The following ATXN7 variants were observed in gnomAD, a reference collection of about 807,000 sequenced individuals.
ATXN7 encodes ataxin-7.
Under a neutral mutation model 70.5 loss-of-function variants are expected in ATXN7, and 12 were observed. The observed-to-expected ratio is 0.17, with a 90% CI of 0.11 to 0.28. ATXN7 has a LOEUF of 0.28. ATXN7 is among the 10% of genes least tolerant of loss of function. The pLI is 1.00. For missense variants in ATXN7, 1,256 were observed against 1,131.7 expected (o/e 1.11, Z -1.58); for synonymous variants, 498 against 448.7 (o/e 1.11, Z -1.39).
At chr3:63,977,010 G>A (rs1225007313) in intron 5 of ATXN7, among the ~76,000 whole-genome samples, 1 of 152,208 alleles carries the variant, frequency 6.6e-6, no homozygotes, top group Non-Finnish European at 1.5e-5. Flanking sequence ...GTCATGGAAG[G>A]AGGTTATCTG....
rs1054531088 is a variant in ATXN7, at chr3:64,002,845, T to C, written c.*3378T>C. On this transcript the variant is annotated 3_prime_UTR_variant, in exon 13 of 13. Coordinates refer to ENST00000674280, the MANE Select transcript of ATXN7 (RefSeq NM_001377405.1). ...TTTTGTCAGCCAGCAACTTACACGATGTGTCCGTTTTGTTATTCACTCATG... is the reference window on the plus strand; with the variant it reads ...TTTTGTCAGCCAGCAACTTACACGACGTGTCCGTTTTGTTATTCACTCATG... 6.6e-6 allele frequency: 1 copy of C among 152,230 alleles called. No individual in the cohort carries two copies. The highest frequency in any genetic ancestry group is 1.5e-5 in the Non-Finnish European group (1 of 68,038). 9.4% of individuals were successfully genotyped at this position (152,230 alleles called of 1,614,324 possible).
intron 1 of ATXN7, among the ~76,000 whole-genome samples, chr3:63,878,265 A>G (rs974039440): frequency 6.6e-6 from 1 of 152,198 alleles, no homozygotes; most frequent in Non-Finnish European, 1.5e-5. Context: ...ATTCCTTGCC[A>G]TCAGCCAGAG....
chr3:63,887,145 G>T (rs370236942), intron 1 of ATXN7, among the ~76,000 whole-genome samples: 2 of 152,172 alleles, frequency 1.3e-5, no homozygotes, highest in Non-Finnish European at 2.9e-5. Flanking sequence ...GAGTCATGAC[G>T]AACTGGTATT....
Position 63,932,387 on chromosome 3 carries a change from T to C in ATXN7, c.394+19162T>C, listed in dbSNP as rs545790413. Among the ~76,000 whole-genome samples, 5 of 152,246 alleles carry C rather than the reference T, an allele frequency of 3.3e-5. No individual in the cohort carries two copies. The South Asian group carries it at 1.0e-3, about 32-fold the overall frequency. On this transcript the variant is annotated intron_variant, in intron 4 of 12. Transcript: ENST00000674280. ...CCACATAGGCATGCATCATTTCAGA[T>C]AGACAAAAAAATTTCAGTCCTACCT...
intron 4 of ATXN7, among the ~76,000 whole-genome samples, chr3:63,929,136 G>A (rs973671683): frequency 6.6e-6 from 1 of 152,016 alleles, no homozygotes; most frequent in African/African-American, 2.4e-5. Flanking sequence ...AAAGGGAAAT[G>A]GCGTATTTAT....
At chr3:63,897,328 C>T (rs886518269) in intron 1 of ATXN7, among the ~76,000 whole-genome samples, 4 of 152,094 alleles carry the variant, frequency 2.6e-5, no homozygotes, top group Non-Finnish European at 5.9e-5. Flanking sequence ...TTAAGCATTA[C>T]TGAATAGCAT....
Position 63,988,329 on chromosome 3 carries a change from G to A in ATXN7, c.1361+5G>A. On this transcript the variant is annotated splice_donor_5th_base_variant and intron_variant, in intron 9 of 12. Coordinates refer to ENST00000674280, the MANE Select transcript of ATXN7 (RefSeq NM_001377405.1). ...TCACACCCCCAGTCTTCCAAGGTAAGCCAGGCCCTCCAACTCTTTCTCCCA... is the reference window on the plus strand; with the variant it reads ...TCACACCCCCAGTCTTCCAAGGTAAACCAGGCCCTCCAACTCTTTCTCCCA... 1 of 1,613,944 alleles carries A rather than the reference G, an allele frequency of 6.2e-7. No homozygotes were observed. The highest frequency in any genetic ancestry group is 8.5e-7 in the Non-Finnish European group (1 of 1,179,980).
chr3:63,990,643 T>C (rs2075655493), intron 10 of ATXN7, 95 bp from the exon 11 acceptor site: 2 of 1,585,892 alleles, frequency 1.3e-6, no homozygotes, highest in Admixed American at 3.4e-5. Flanking sequence ...CAGTTCTGTC[T>C]TTCCTGATTA....
chr3:63,863,842 T>TGGCGGCGGCGGAGGTC, upstream of ATXN7: 4 of 1,214,972 alleles, frequency 3.3e-6, no homozygotes, highest in Non-Finnish European at 4.1e-6. Context: ...AGGCGGCGGT[T>TGGCGGCGGCGGAGGTC]GGCGGCGGCG....
intron 6 of ATXN7, 200 bp downstream of exon 6, chr3:63,980,367 G>A: frequency 1.5e-6 from 1 of 676,924 alleles, no homozygotes. Flanking sequence ...GTGATAATAA[G>A]GTTACTAACA....
rs919114756 is a variant in ATXN7, at chr3:63,864,111, C to G, written c.-158C>G. ...CCCGCCGCCCCCCTTGCAGCCCCCG[C>G]CCGGCCCACGCCCAGAGGCCGCCCC... On this transcript the variant is annotated 5_prime_UTR_variant, in exon 1 of 13. Coordinates refer to ENST00000674280, the MANE Select transcript of ATXN7 (RefSeq NM_001377405.1). Among the ~76,000 whole-genome samples, 1 of 147,534 alleles carries G rather than the reference C, an allele frequency of 6.8e-6. No individual in the cohort carries two copies. Among genetic ancestry groups the G allele is most frequent in the Non-Finnish European group, 1.5e-5 (1 of 66,376 alleles).
At chr3:63,938,999 T>A (rs202162969) in intron 4 of ATXN7, among the ~76,000 whole-genome samples, 1 of 149,572 alleles carries the variant, frequency 6.7e-6, no homozygotes, top group East Asian at 2.0e-4. Context: ...AAAATTTTTT[T>A]AATTTTTTTT....
intron 12 of ATXN7, chr3:63,998,078 C>A: frequency 2.0e-6 from 2 of 985,334 alleles, no homozygotes; most frequent in Non-Finnish European, 2.4e-6. Context: ...GAGACATGAT[C>A]CCCACGGAAG....
intron 1 of ATXN7, among the ~76,000 whole-genome samples, chr3:63,895,617 A>C (rs1209520416): frequency 6.6e-6 from 1 of 152,288 alleles, no homozygotes; most frequent in East Asian, 1.9e-4. Context: ...AACCTAGGGA[A>C]GGAAGTGCTT....
chr3:63,937,560 CA>C (rs1368633368), intron 4 of ATXN7, among the ~76,000 whole-genome samples: 3 of 152,160 alleles, frequency 2.0e-5, no homozygotes, highest in African/African-American at 7.2e-5. Flanking sequence ...TTTACATACA[CA>C]AGTGTCTTAA....
chr3:63,928,137 T>C (rs763510430), intron 4 of ATXN7, among the ~76,000 whole-genome samples: 1 of 152,166 alleles, frequency 6.6e-6, no homozygotes, highest in Non-Finnish European at 1.5e-5. Flanking sequence ...AATTCTGAAG[T>C]AAAAATAGCT....
chr3:63,871,395 G>A (rs832194), intron 1 of ATXN7, among the ~76,000 whole-genome samples: 125,982 of 152,226 alleles, frequency 0.83, 52,286 homozygotes, highest in Admixed American at 0.88. Flanking sequence ...AATTTGCTAC[G>A]TATCTTTTGG....
intron 9 of ATXN7, among the ~76,000 whole-genome samples, chr3:63,988,631 G>A (rs2075617029): frequency 6.6e-6 from 1 of 152,170 alleles, no homozygotes; most frequent in African/African-American, 2.4e-5. Flanking sequence ...GCGGGTTAGT[G>A]ACAGGAACTC....
At chr3:63,974,554 T>C (rs1575973416) in intron 5 of ATXN7, among the ~76,000 whole-genome samples, 1 of 152,370 alleles carries the variant, frequency 6.6e-6, no homozygotes, top group East Asian at 1.9e-4. Flanking sequence ...CCATGTGATG[T>C]TGGACAACTG....
Sources: allele counts gnomAD v4.1 joint callset (sites outside exome capture counted in the v4.1 genomes callset), GRCh38; gene constraint gnomAD v4.1.1; transcripts MANE v1.5; gene names NCBI Gene and HGNC (gene_info 2026-07-23, HGNC 2026-07-21).